ATP8B1: variants seen among roughly 807,000 people sequenced by gnomAD.
ATP8B1 encodes phospholipid-transporting ATPase IC.
In ATP8B1, 80 loss-of-function variants were observed where a neutral mutation model predicts 149.9. That is an observed-to-expected ratio of 0.53 (90% CI 0.45 to 0.64). The LOEUF (loss-of-function observed/expected upper bound fraction) is 0.64, where lower values mean the gene tolerates loss of function less well. Among genes scored for constraint, ATP8B1 ranks in the 30% least tolerant of loss-of-function variants. The probability of loss-of-function intolerance (pLI) is 0.00; values close to 1 mark genes in which losing one functional copy is unlikely to be tolerated. For synonymous variants in ATP8B1, 536 were observed against 562.8 expected (o/e 0.95, Z 0.67); for missense variants, 1,247 against 1,552.6 (o/e 0.80, Z 3.31).
In ATP8B1 at chr18:57,704,607, TCAAA is replaced by T. The variant is rs1913293128; in HGVS notation, c.337_340del (p.Phe113SerfsTer32). The T allele has an allele frequency of 1.9e-6, 3 of 1,612,176 alleles. No individual in the cohort carries two copies. Among genetic ancestry groups the T allele is most frequent in the South Asian group, 1.1e-5 (1 of 91,038 alleles). On this transcript the variant is annotated frameshift_variant, in exon 4 of 28. Transcript: ENST00000648908. LOFTEE classifies it high-confidence loss of function. ...TAAATTGGCTGCTCTCTTAAACTGC[TCAAA>T]CAGATTCATTGGTATAAAGGTAAAT...
chr18:57,785,469 T>G (rs2080398124), intron 1 of ATP8B1, among the ~76,000 whole-genome samples: 1 of 152,260 alleles, frequency 6.6e-6, no homozygotes, highest in African/African-American at 2.4e-5. Flanking sequence ...CAAAAATCTT[T>G]AAATATCTAT....
chr18:57,746,639 C>A (rs934877942), intron 1 of ATP8B1, among the ~76,000 whole-genome samples: 13 of 151,812 alleles, frequency 8.6e-5, no homozygotes, highest in African/African-American at 2.4e-4. Context: ...CCAAGCCCAG[C>A]TAATTTTTGT....
chr18:57,770,958 G>A (rs917113413), intron 1 of ATP8B1, among the ~76,000 whole-genome samples: 4 of 152,174 alleles, frequency 2.6e-5, no homozygotes, highest in African/African-American at 9.7e-5. Context: ...CTGCCTCCTA[G>A]GTTCAAGCGA....
chr18:57,697,540 C>A (rs149842435), intron 8 of ATP8B1, 78 bp downstream of exon 8: 4 of 1,495,256 alleles, frequency 2.7e-6, no homozygotes, highest in Non-Finnish European at 3.7e-6. Context: ...GCCGTCTGGT[C>A]CACAATGCCC....
Position 57,763,765 on chromosome 18 carries a change from A to G in ATP8B1, c.-25-31933T>C, listed in dbSNP as rs1317453120. Reference sequence around the variant, plus strand: ...ATTTTTGCATAACATAAACATGTCAATCTTTCCCTTTAGCTCCTTCCACTC... The same window carrying G: ...ATTTTTGCATAACATAAACATGTCAGTCTTTCCCTTTAGCTCCTTCCACTC... On this transcript the variant is annotated intron_variant, in intron 1 of 27. Transcript: ENST00000648908. Among the ~76,000 whole-genome samples, 3 of 151,990 alleles carry G rather than the reference A, an allele frequency of 2.0e-5. No homozygotes were observed. In the East Asian group the frequency reaches 5.8e-4, roughly 29 times the overall value.
Position 57,648,130 on chromosome 18 carries a change from G to T in ATP8B1, c.*358C>A. The T allele has an allele frequency of 2.6e-6, 1 of 381,582 alleles. No homozygotes were observed. Among genetic ancestry groups the T allele is most frequent in the Non-Finnish European group, 5.0e-6 (1 of 199,240 alleles). 23.6% of individuals were successfully genotyped at this position (381,582 alleles called of 1,614,324 possible). Reference sequence around the variant, plus strand: ...GCTTCTCAAATAGGTGGGATTACGGGTGCCCACCACCAAGCCCGGCTAATT... The same window carrying T: ...GCTTCTCAAATAGGTGGGATTACGGTTGCCCACCACCAAGCCCGGCTAATT... On this transcript the variant is annotated 3_prime_UTR_variant, in exon 28 of 28. Coordinates refer to ENST00000648908, the MANE Select transcript of ATP8B1 (RefSeq NM_001374385.1).
At chr18:57,787,566 T>C (rs550605538) in intron 1 of ATP8B1, among the ~76,000 whole-genome samples, 1 of 152,296 alleles carries the variant, frequency 6.6e-6, no homozygotes, top group Admixed American at 6.5e-5. Flanking sequence ...ACACTGTGGG[T>C]GGGGAGTGTT....
chr18:57,754,157 G>A (rs2080053971), intron 1 of ATP8B1, among the ~76,000 whole-genome samples: 1 of 152,058 alleles, frequency 6.6e-6, no homozygotes, highest in Non-Finnish European at 1.5e-5. Flanking sequence ...ATCAGTTTCA[G>A]CCTGGCACAG....
intron 6 of ATP8B1, among the ~76,000 whole-genome samples, chr18:57,698,564 A>C: frequency 6.6e-6 from 1 of 152,054 alleles, no homozygotes. Context: ...CGAACTCCTG[A>C]CCTCAGGTGA....
intron 1 of ATP8B1, among the ~76,000 whole-genome samples, chr18:57,785,540 C>G (rs2080399166): frequency 6.6e-6 from 1 of 152,192 alleles, no homozygotes; most frequent in Non-Finnish European, 1.5e-5. Flanking sequence ...GAGTCTCGCT[C>G]TGTTGCCCAG....
intron 1 of ATP8B1, among the ~76,000 whole-genome samples, chr18:57,750,743 C>G (rs2080008902): frequency 6.6e-6 from 1 of 152,202 alleles, no homozygotes; most frequent in African/African-American, 2.4e-5. Flanking sequence ...AAGCTTAAAC[C>G]TCAGGTACAG....
rs77127832 is a variant in ATP8B1, at chr18:57,727,975, C to G, written c.181+3652G>C. On this transcript the variant is annotated intron_variant, in intron 2 of 27. Coordinates refer to ENST00000648908, the MANE Select transcript of ATP8B1 (RefSeq NM_001374385.1). ...ACACAAAGGGTAAAGTTACTCCACT[C>G]GAACCTGTGGGCTTATCTTTCTCCA... Among the ~76,000 whole-genome samples the G allele has an allele frequency of 1.4e-3, 211 of 152,274 alleles. 5 individuals carry two copies. In the East Asian group the frequency reaches 0.039, roughly 28 times the overall value.
chr18:57,683,889 C>T, intron 15 of ATP8B1, 147 bp downstream of exon 15: 1 of 1,060,850 alleles, frequency 9.4e-7, no homozygotes, highest in Non-Finnish European at 1.4e-6. Flanking sequence ...CATAAACCAT[C>T]TAGTGGTAAG....
chr18:57,785,135 G>A (rs1165384511), intron 1 of ATP8B1, among the ~76,000 whole-genome samples: 1 of 152,108 alleles, frequency 6.6e-6, no homozygotes, highest in Non-Finnish European at 1.5e-5. Flanking sequence ...CTGCCTCATC[G>A]AATTAGAAAA....
chr18:57,701,788 C>T (rs1379349812), intron 4 of ATP8B1, among the ~76,000 whole-genome samples: 3 of 151,892 alleles, frequency 2.0e-5, no homozygotes, highest in Non-Finnish European at 4.4e-5. Flanking sequence ...CTCCGCCTCC[C>T]AGGCTCAAGC....
intron 1 of ATP8B1, among the ~76,000 whole-genome samples, chr18:57,753,610 C>G (rs2080044090): frequency 6.6e-6 from 1 of 152,100 alleles, no homozygotes; most frequent in Non-Finnish European, 1.5e-5. Flanking sequence ...TTTTCATAGA[C>G]AGTTAAGAGG....
chr18:57,668,707 C>A, intron 18 of ATP8B1, 167 bp from the exon 19 acceptor site: 1 of 576,642 alleles, frequency 1.7e-6, no homozygotes, highest in Non-Finnish European at 3.0e-6. Context: ...CCATGTTTCA[C>A]AATTACTGCA....
At position 57,802,546 on chromosome 18, in the gene ATP8B1, G is replaced by A. The variant is rs2080589779; in HGVS notation, c.-26+452C>T. ...TGGCCCGCAAGTCCTTTTCGGACAC[G>A]TTGGCATCTGCTCCCAAAGAGCGCC... On this transcript the variant is annotated intron_variant, in intron 1 of 27. Transcript: ENST00000648908. This position sits in a 1 kb window ranked among gnomAD's most constrained non-coding sequence, Gnocchi z 4.9. Among the ~76,000 whole-genome samples the A allele has an allele frequency of 6.6e-6, 1 of 152,204 alleles. No individual in the cohort carries two copies. Among genetic ancestry groups the A allele is most frequent in the Non-Finnish European group, 1.5e-5 (1 of 68,038 alleles).
At chr18:57,735,731 T>A (rs2079844389) in intron 1 of ATP8B1, 1 of 152,254 alleles carries the variant, frequency 6.6e-6, no homozygotes, top group Non-Finnish European at 1.5e-5. Flanking sequence ...CCAAATTTTT[T>A]AAAAGTCATC....
Sources: allele counts gnomAD v4.1 joint callset (sites outside exome capture counted in the v4.1 genomes callset), GRCh38; gene constraint gnomAD v4.1.1; non-coding constraint Gnocchi (gnomAD v3.1); transcripts MANE v1.5; gene names NCBI Gene and HGNC (gene_info 2026-07-23, HGNC 2026-07-21).